S100A14: variants seen among roughly 807,000 people sequenced by gnomAD.
S100A14 encodes protein S100-A14.
Under a neutral mutation model 10.6 loss-of-function variants are expected in S100A14, and 6 were observed. That is an observed-to-expected ratio of 0.57 (90% CI 0.31 to 1.12). The LOEUF (loss-of-function observed/expected upper bound fraction) is 1.12, where lower values mean the gene tolerates loss of function less well. Ranked by LOEUF, S100A14 falls within the 50% of genes most tolerant of loss-of-function variation. The pLI is 0.06. For missense variants in S100A14, 121 were observed against 128.7 expected (o/e 0.94, Z 0.29); for synonymous variants, 51 against 51.0 (o/e 1.00, Z 0.00).
intron 1 of S100A14, 168 bp downstream of exon 1, chr1:153,616,127 A>G: frequency 2.3e-6 from 1 of 428,858 alleles, no homozygotes; most frequent in Non-Finnish European, 4.3e-6. Context: ...TCTAGGGGGA[A>G]TCCCTTGGAA....
rs751341645 is a variant in S100A14, at chr1:153,614,903, C to A, written c.297G>T (p.Arg99Ser). The change falls in exon 4 of 4, where the codon AGG becomes AGT. Residue 99 changes from arginine to serine, a missense_variant. Physicochemically the swap from Arg to Ser is moderately radical, Grantham distance 110. Coordinates refer to ENST00000344616, the MANE Select transcript of S100A14 (RefSeq NM_020672.3). ...GGAGTTCTCAGTGCCCCCGGACAGG[C>A]CTCTCCAGCTTCACACTCTTGGCCG... ...GEAAKSVKLERPVRGH is the reference protein window; with the variant it reads ...GEAAKSVKLESPVRGH 13 of 1,613,818 alleles carry A rather than the reference C, an allele frequency of 8.1e-6. No homozygotes were observed. Among genetic ancestry groups the A allele is most frequent in the Non-Finnish European group, 1.7e-6 (2 of 1,179,956 alleles).
In S100A14 at chr1:153,615,284, G is replaced by A. The variant is rs149780391; in HGVS notation, c.128C>T (p.Pro43Leu). ...GGTGACCAGGTCCCGTAGCTCAGAA[G>A]GGGTCAGCGTCTCCTTCCCACCCTC... Reference protein sequence around the residue: ...SVEGGKETLTPSELRDLVTQQ... With the variant: ...SVEGGKETLTLSELRDLVTQQ... The change falls in exon 3 of 4, where the codon CCT (proline) becomes CTT (leucine). Residue 43 changes from proline (P) to leucine (L), a missense_variant. Physicochemically the swap from Pro to Leu is moderately conservative, Grantham distance 98. Transcript: ENST00000344616. 3 of 1,614,012 alleles carry A rather than the reference G, an allele frequency of 1.9e-6. No individual in the cohort carries two copies. Among genetic ancestry groups the A allele is most frequent in the Non-Finnish European group, 8.5e-7 (1 of 1,179,990 alleles).
In S100A14 at chr1:153,615,236, G is replaced by A. The variant is rs374202418; in HGVS notation, c.176C>T (p.Pro59Leu). 1.4e-5 allele frequency: 22 copies of A among 1,613,720 alleles called. No homozygotes were observed. The highest frequency in any genetic ancestry group is 8.9e-5 in the East Asian group (4 of 44,880). Reference protein sequence around the residue: ...LVTQQLPHLMPSNCGLEEKIA... With the variant: ...LVTQQLPHLMLSNCGLEEKIA... ...AGGTGGGGTGTGCTCCGTCCATACC[G>A]GCATGAGATGGGGCAGCTGCTGGGT... Residue 59 changes from proline to leucine, a missense_variant and splice_region_variant, in exon 3 of 4, where the codon CCG becomes CTG. Coordinates refer to ENST00000344616, the MANE Select transcript of S100A14 (RefSeq NM_020672.3).
chr1:153,615,341 G>T lies in S100A14; in HGVS notation c.71C>A (p.Thr24Asn), dbSNP rs147721648. Reference protein sequence around the residue: ...EFSDVERAIETLIKNFHQYSV... With the variant: ...EFSDVERAIENLIKNFHQYSV... ...GTACTGGTGAAAGTTCTTGATGAGG[G>T]TCTCAATGGCCCTCTCCACATCACT... Residue 24 changes from threonine to asparagine, a missense_variant, in exon 3 of 4, where the codon ACC becomes AAC. Thr to Asn is a moderately conservative substitution (Grantham distance 65). Coordinates refer to ENST00000344616, the MANE Select transcript of S100A14 (RefSeq NM_020672.3). 1.2e-6 allele frequency: 2 copies of T among 1,613,912 alleles called. No individual in the cohort carries two copies. The highest frequency in any genetic ancestry group is 1.7e-6 in the Non-Finnish European group (2 of 1,179,976).
chr1:153,615,446 G>A, intron 2 of S100A14, 65 bp from the exon 3 acceptor site: 3 of 1,566,616 alleles, frequency 1.9e-6, no homozygotes, highest in Non-Finnish European at 2.6e-6. Context: ...TGCTTCTCCA[G>A]GAGCCTAGCA....
intron 1 of S100A14, 169 bp from the exon 2 acceptor site, chr1:153,616,105 C>T: frequency 4.2e-6 from 2 of 475,874 alleles, no homozygotes; most frequent in South Asian, 3.1e-5. Flanking sequence ...TCATATCCCC[C>T]AGGCCAACGC....
chr1:153,616,013 T>C (rs2101522842), intron 1 of S100A14, 77 bp from the exon 2 acceptor site: 1 of 686,256 alleles, frequency 1.5e-6, no homozygotes. Context: ...TTTGGCTCCA[T>C]CTCAGATATT....
rs936115724 is a variant in S100A14 at position 153,615,177 on chromosome 1, G to A, written c.177+58C>T. 53 of 1,603,214 alleles carry A rather than the reference G, an allele frequency of 3.3e-5. 1 individual carries two copies. The highest frequency in any genetic ancestry group is 1.3e-4 in the Admixed American group (8 of 59,530). The stretch of plus-strand genomic sequence containing the variant: ...CAAGTGCCAGTGTGGGTGGGGTCCC[G>A]GAGCACTTGCTTGGGAAGTCAGGGT... On this transcript the variant is annotated intron_variant, in intron 3 of 3. Coordinates refer to ENST00000344616, the MANE Select transcript of S100A14 (RefSeq NM_020672.3).
In S100A14 at chr1:153,614,374, C is replaced by G. The variant is rs1277480773; in HGVS notation, c.*511G>C. 1 of 154,808 alleles carries G rather than the reference C, an allele frequency of 6.5e-6. No homozygotes were observed. Among genetic ancestry groups the G allele is most frequent in the East Asian group, 1.9e-4 (1 of 5,216 alleles). 9.6% of individuals were successfully genotyped at this position (154,808 alleles called of 1,614,324 possible). On this transcript the variant is annotated 3_prime_UTR_variant, in exon 4 of 4. Coordinates refer to ENST00000344616, the MANE Select transcript of S100A14 (RefSeq NM_020672.3). ...GTCACACTCTCCTCAGCCTCTCCCC[C>G]AACCCTGCTCTCCCTCCTCCCCTGC...
intron 1 of S100A14, 81 bp from the exon 2 acceptor site, chr1:153,616,017 A>T: frequency 1.5e-6 from 1 of 684,296 alleles, no homozygotes; most frequent in South Asian, 1.8e-5. Context: ...GCTCCATCTC[A>T]GATATTCTGT....
At chr1:153,615,576 G>A (rs1666945150) in intron 2 of S100A14, among the ~76,000 whole-genome samples, 195 bp from the exon 3 acceptor site, 2 of 152,104 alleles carry the variant, frequency 1.3e-5, no homozygotes, top group Non-Finnish European at 2.9e-5. Flanking sequence ...CTACAGGTTG[G>A]GGAAGGCTTC....
At chr1:153,615,150 T>G (rs1666933646) in intron 3 of S100A14, 85 bp downstream of exon 3, 1 of 1,588,338 alleles carries the variant, frequency 6.3e-7, no homozygotes, top group East Asian at 2.2e-5. Flanking sequence ...AGCTGGGGGT[T>G]GCAAGTGCCA....
chr1:153,615,393 G>T lies in S100A14; in HGVS notation c.31-12C>A. ...AATTCCTGAGCATCCTGAGGGCAGG[G>T]GACATCACAAACATCAGTGAAGCTC... On this transcript the variant is annotated splice_polypyrimidine_tract_variant and intron_variant, in intron 2 of 3. Coordinates refer to ENST00000344616, the MANE Select transcript of S100A14 (RefSeq NM_020672.3). 1 of 1,612,086 alleles carries T rather than the reference G, an allele frequency of 6.2e-7. No homozygotes were observed. The highest frequency in any genetic ancestry group is 8.5e-7 in the Non-Finnish European group (1 of 1,179,058).
chr1:153,615,332 T>TGCC lies in S100A14; in HGVS notation c.79_80insGGC (p.Lys27delinsArgGln). ...CTCCACGGAGTACTGGTGAAAGTTC[T>TGCC]TGATGAGGGTCTCAATGGCCCTCTC... On this transcript the variant is annotated protein_altering_variant, in exon 3 of 4. Coordinates refer to ENST00000344616, the MANE Select transcript of S100A14 (RefSeq NM_020672.3). 6.2e-7 allele frequency: 1 copy of TGCC among 1,613,956 alleles called. No homozygotes were observed.
In S100A14 at chr1:153,615,822, A is replaced by T. The variant is rs1260491629; in HGVS notation, c.30+7T>A. On this transcript the variant is annotated splice_region_variant and intron_variant, in intron 2 of 3. Coordinates refer to ENST00000344616, the MANE Select transcript of S100A14 (RefSeq NM_020672.3). ...GGAGCAGAAAGGCCAGGAGTGAATG[A>T]GCCCACCTCTGCGTTGGCTGACCGA... 1 of 1,613,824 alleles carries T rather than the reference A, an allele frequency of 6.2e-7. No homozygotes were observed. Among genetic ancestry groups the T allele is most frequent in the Non-Finnish European group, 8.5e-7 (1 of 1,179,856 alleles).
chr1:153,614,994 G>A lies in S100A14; in HGVS notation c.206C>T (p.Ala69Val). 1 of 1,613,940 alleles carries A rather than the reference G, an allele frequency of 6.2e-7. No homozygotes were observed. Among genetic ancestry groups the A allele is most frequent in the Non-Finnish European group, 8.5e-7 (1 of 1,179,984 alleles). The change falls in exon 4 of 4, where the codon GCC becomes GTC. Residue 69 changes from alanine (A) to valine (V), a missense_variant. Ala to Val is a moderately conservative substitution (Grantham distance 64, BLOSUM62 0). Transcript: ENST00000344616. ...AGAGTCATTGCAGCTGCCCAGGTTG[G>A]CAATTTTCTCTTCCAGGCCACAGTT... The part of the protein sequence containing the change: ...PSNCGLEEKI[A>V]NLGSCNDSKL...
chr1:153,615,692 G>T, intron 2 of S100A14, 137 bp downstream of exon 2: 2 of 872,010 alleles, frequency 2.3e-6, no homozygotes, highest in Non-Finnish European at 3.7e-6. Context: ...CCTCAGAAGA[G>T]GGTTCACATC....
At position 153,614,833 on chromosome 1, in the gene S100A14, TCCAGG is replaced by T; in HGVS notation, c.*47_*51del. 1.9e-6 allele frequency: 3 copies of T among 1,591,014 alleles called. No homozygotes were observed. The highest frequency in any genetic ancestry group is 2.6e-6 in the Non-Finnish European group (3 of 1,169,032). ...GGTGGTAGAGGAGACAAGTTTTATC[TCCAGG>T]CCCACAGTCTCTCCCCAACACCCCC... On this transcript the variant is annotated 3_prime_UTR_variant, in exon 4 of 4. Transcript: ENST00000344616.
In S100A14 at chr1:153,614,404, G is replaced by T; in HGVS notation, c.*481C>A. 1 of 155,510 alleles carries T rather than the reference G, an allele frequency of 6.4e-6. No homozygotes were observed. Among genetic ancestry groups the T allele is most frequent in the Non-Finnish European group, 1.4e-5 (1 of 70,124 alleles). 9.6% of individuals were successfully genotyped at this position (155,510 alleles called of 1,614,324 possible). Reference sequence around the variant, plus strand: ...CTGCTCTCCCTCCTCCCCTGCCCTAGCCCAGGGACAGAGTCTAGGAGGAGC... The same window carrying T: ...CTGCTCTCCCTCCTCCCCTGCCCTATCCCAGGGACAGAGTCTAGGAGGAGC... On this transcript the variant is annotated 3_prime_UTR_variant, in exon 4 of 4. Transcript: ENST00000344616.
Sources: gnomAD v4.1 joint callset for allele counts (sites outside exome capture counted in the v4.1 genomes callset) on GRCh38, gnomAD v4.1.1 for gene constraint, MANE v1.5 for transcripts, NCBI Gene and HGNC (gene_info 2026-07-23, HGNC 2026-07-21) for gene names.